Variants in MIS18A observed in about 807,000 individuals in gnomAD.
MIS18A encodes the protein protein Mis18-alpha.
MIS18A carries 14 observed loss-of-function variants against 25.0 expected under a neutral mutation model. The observed-to-expected ratio is 0.56, with a 90% CI of 0.37 to 0.88. The LOEUF (loss-of-function observed/expected upper bound fraction) is 0.88. Ranked by LOEUF, MIS18A falls within the 40% of genes least tolerant of loss-of-function variation. The pLI is 0.00. For synonymous variants in MIS18A, 134 were observed against 118.6 expected, an observed-to-expected ratio of 1.13 and a Z score of -0.84; for missense variants, 292 against 290.8, an observed-to-expected ratio of 1.00 and a Z score of -0.03.
At chr21:32,208,129 GTCTC>G in the MIS18A span, among the ~76,000 whole-genome samples, 3 of 150,746 alleles carry the variant, frequency 2.0e-5, no homozygotes, top group Admixed American at 6.6e-5. Flanking sequence ...TCTGCCTTTC[GTCTC>G]TCTCTCTCTC....
chr21:32,244,936 A>C, the MIS18A span, among the ~76,000 whole-genome samples: 3 of 152,260 alleles, frequency 2.0e-5, no homozygotes, highest in African/African-American at 7.2e-5. Flanking sequence ...GTCCAAAAAC[A>C]GAGCAATGTA....
chr21:32,279,000 C>T lies in MIS18A; in HGVS notation c.15G>A (p.Arg5=), dbSNP rs751041778. ...CGCATCCTCTGCTACACCTCAGTGA[C>T]CGAACGCCTGCCATTACCTACAAAT... is the stretch of plus-strand genomic sequence containing the variant. MAGV[R]SLRCSRGCAG... The change falls in exon 1 of 5, where the codon CGG becomes CGA. Residue 5 remains arginine, a synonymous_variant. Transcript: ENST00000290130. 1.9e-6 allele frequency: 3 copies of T among 1,599,652 alleles called. No homozygotes were observed.
At chr21:32,229,786 T>A in the MIS18A span, among the ~76,000 whole-genome samples, 1 of 152,230 alleles carries the variant, frequency 6.6e-6, no homozygotes, top group Admixed American at 6.5e-5. Flanking sequence ...TAGAACTGAT[T>A]TTAAGACTCA....
the MIS18A span, among the ~76,000 whole-genome samples, chr21:32,158,329 T>C: frequency 5.2e-4 from 79 of 152,274 alleles, 1 homozygote; most frequent in East Asian, 0.012. Flanking sequence ...AAGAAACACA[T>C]TATAGAATTT....
intron 1 of MIS18A, among the ~76,000 whole-genome samples, chr21:32,275,370 G>T (rs1031673274): frequency 6.6e-6 from 1 of 152,160 alleles, no homozygotes; most frequent in Non-Finnish European, 1.5e-5. Flanking sequence ...ACACTGCAAA[G>T]AATTATCTGC....
At chr21:32,166,612 G>A in the MIS18A span, among the ~76,000 whole-genome samples, 1 of 152,168 alleles carries the variant, frequency 6.6e-6, no homozygotes, top group South Asian at 2.1e-4. Context: ...TAAGTAACAT[G>A]ATGCTAAATT....
At chr21:32,247,966 C>T in the MIS18A span, among the ~76,000 whole-genome samples, 1 of 152,186 alleles carries the variant, frequency 6.6e-6, no homozygotes, top group Non-Finnish European at 1.5e-5. Context: ...ACCAAACAGA[C>T]TCTATGTGAA....
downstream of MIS18A, among the ~76,000 whole-genome samples, chr21:32,266,958 G>A (rs2031617195): frequency 6.8e-6 from 1 of 147,780 alleles, no homozygotes; most frequent in African/African-American, 2.5e-5. Flanking sequence ...GGATATATGG[G>A]ACAAGTTAAA....
At chr21:32,207,994 C>T in the MIS18A span, among the ~76,000 whole-genome samples, 3 of 152,214 alleles carry the variant, frequency 2.0e-5, no homozygotes, top group African/African-American at 7.2e-5. Context: ...TTTCATTTGG[C>T]ACTGGGTCCT....
In MIS18A at chr21:32,270,445, C is replaced by T. The variant is rs554141556; in HGVS notation, c.486G>A (p.Lys162=). ...CAACACTGAGGCAAAACAAGTCTCT[C>T]TTGTAATCAAGATTCTTGGGCGTGC... ...YRCTPKNLDY[K]RDLFCLSVEA... is the part of the protein sequence containing the mutation. The change falls in exon 3 of 5, where the codon AAG becomes AAA. Residue 162 remains lysine (K), a synonymous_variant. Transcript: ENST00000290130. The T allele has an allele frequency of 1.2e-6, 2 of 1,613,826 alleles. No homozygotes were observed. Among genetic ancestry groups the T allele is most frequent in the Admixed American group, 3.3e-5 (2 of 59,926 alleles).
At chr21:32,205,454 A>G in the MIS18A span, among the ~76,000 whole-genome samples, 1 of 152,066 alleles carries the variant, frequency 6.6e-6, no homozygotes. Flanking sequence ...TATTGCAGAT[A>G]GAGCACCTGC....
At chr21:32,170,401 A>G in the MIS18A span, among the ~76,000 whole-genome samples, 1 of 152,164 alleles carries the variant, frequency 6.6e-6, no homozygotes, top group Non-Finnish European at 1.5e-5. Flanking sequence ...CATCAGTGCC[A>G]ATTAATTAAC....
the MIS18A span, among the ~76,000 whole-genome samples, chr21:32,224,985 A>G: frequency 1.5e-5 from 2 of 135,428 alleles, no homozygotes; most frequent in African/African-American, 2.9e-5. Context: ...CATACCTACA[A>G]CTATCTGATC....
At chr21:32,185,111 C>T in the MIS18A span, among the ~76,000 whole-genome samples, 3 of 152,142 alleles carry the variant, frequency 2.0e-5, no homozygotes, top group Non-Finnish European at 4.4e-5. Context: ...TCAAGGGACT[C>T]TTCACATAGC....
the MIS18A span, among the ~76,000 whole-genome samples, chr21:32,259,078 C>T: frequency 3.3e-5 from 5 of 151,986 alleles, no homozygotes; most frequent in Admixed American, 2.0e-4. Context: ...CTTGCTATGT[C>T]GCCCAGGCCA....
the MIS18A span, among the ~76,000 whole-genome samples, chr21:32,180,073 A>T: frequency 6.6e-6 from 1 of 152,214 alleles, no homozygotes; most frequent in Non-Finnish European, 1.5e-5. Context: ...GAACTGGCTT[A>T]TCAAGGTGAA....
chr21:32,178,948 T>C, the MIS18A span, among the ~76,000 whole-genome samples: 1 of 152,166 alleles, frequency 6.6e-6, no homozygotes, highest in African/African-American at 2.4e-5. Context: ...CTGCTTCAGC[T>C]GCTTCATCTG....
At chr21:32,234,745 T>C in the MIS18A span, among the ~76,000 whole-genome samples, 1 of 152,124 alleles carries the variant, frequency 6.6e-6, no homozygotes, top group Non-Finnish European at 1.5e-5. Context: ...TCTGCCGTGA[T>C]TGGAAGCTTC....
the MIS18A span, among the ~76,000 whole-genome samples, chr21:32,251,562 CT>C: frequency 1.3e-5 from 2 of 152,184 alleles, no homozygotes; most frequent in African/African-American, 4.8e-5. Context: ...GGGGTGTGAC[CT>C]TTAACCCTGT....
Sources: gnomAD v4.1 joint callset for allele counts (sites outside exome capture counted in the v4.1 genomes callset) on GRCh38, gnomAD v4.1.1 for gene constraint, MANE v1.5 for transcripts, NCBI Gene and HGNC (gene_info 2026-07-23, HGNC 2026-07-21) for gene names.